The following TTC27 variants were observed in gnomAD, a reference collection of about 807,000 sequenced individuals.
TTC27 encodes the protein tetratricopeptide repeat domain 27.
A neutral mutation model predicts 115.9 loss-of-function variants in TTC27; 79 were observed. The observed-to-expected ratio is 0.68, with a 90% CI of 0.57 to 0.82. The LOEUF (loss-of-function observed/expected upper bound fraction) is 0.82, where lower values mean the gene tolerates loss of function less well. TTC27 is among the 40% of genes least tolerant of loss of function. The probability of loss-of-function intolerance (pLI) is 0.00; values close to 1 mark genes in which losing one functional copy is unlikely to be tolerated. For missense variants in TTC27, 1,054 were observed against 993.1 expected (o/e 1.06, Z -0.82); for synonymous variants, 401 against 356.0 (o/e 1.13, Z -1.42).
intron 1 of TTC27, among the ~76,000 whole-genome samples, chr2:32,630,214 T>A (rs1399554152): frequency 6.6e-6 from 1 of 152,202 alleles, no homozygotes; most frequent in Non-Finnish European, 1.5e-5. Flanking sequence ...AACTTTTGTA[T>A]TGTCAGTAGG....
chr2:32,630,341 A>T (rs1664132820), intron 1 of TTC27, among the ~76,000 whole-genome samples, 182 bp from the exon 2 acceptor site: 1 of 152,152 alleles, frequency 6.6e-6, no homozygotes. Flanking sequence ...TAATTCTAGG[A>T]GAGAGAATGT....
chr2:32,704,793 A>T (rs879891611), intron 10 of TTC27: 3 of 456,474 alleles, frequency 6.6e-6, no homozygotes, highest in Admixed American at 4.9e-5. Context: ...TTTCCTCATG[A>T]TTTGATTCAG....
At chr2:32,687,601 A>G (rs886110191) in intron 9 of TTC27, among the ~76,000 whole-genome samples, 1 of 152,230 alleles carries the variant, frequency 6.6e-6, no homozygotes, top group African/African-American at 2.4e-5. Flanking sequence ...TTGATAATAA[A>G]TGAATGGAAA....
chr2:32,720,369 T>A (rs1315509399), intron 10 of TTC27, among the ~76,000 whole-genome samples: 3 of 152,180 alleles, frequency 2.0e-5, no homozygotes. Flanking sequence ...GAATTTTGAA[T>A]TACTTACTTA....
At chr2:32,712,291 T>C (rs1667606653) in intron 10 of TTC27, among the ~76,000 whole-genome samples, 1 of 152,246 alleles carries the variant, frequency 6.6e-6, no homozygotes, top group South Asian at 2.1e-4. Context: ...GGACAATCTA[T>C]TAAAAACACC....
intron 16 of TTC27, among the ~76,000 whole-genome samples, chr2:32,797,047 G>A (rs1394209220): frequency 2.0e-5 from 3 of 151,572 alleles, no homozygotes; most frequent in African/African-American, 4.8e-5. Flanking sequence ...GGTGGTGCAC[G>A]CCTGTAGTCC....
intron 5 of TTC27, among the ~76,000 whole-genome samples, chr2:32,656,880 A>G (rs975282858): frequency 2.3e-4 from 35 of 152,310 alleles, no homozygotes; most frequent in African/African-American, 7.5e-4. Flanking sequence ...GAATCATTCA[A>G]TAATGATTGT....
At position 32,628,396 on chromosome 2, in the gene TTC27, A is replaced by G. The variant is rs749953003; in HGVS notation, c.88+16A>G. 1.3e-6 allele frequency: 2 copies of G among 1,570,514 alleles called. No individual in the cohort carries two copies. Among genetic ancestry groups the G allele is most frequent in the Non-Finnish European group, 1.7e-6 (2 of 1,161,300 alleles). On this transcript the variant is annotated intron_variant, in intron 1 of 19. Coordinates refer to ENST00000317907, the MANE Select transcript of TTC27 (RefSeq NM_017735.5). ...GTCGGTTCAGGTGAGAGGCGCACCTACCGGGCCTTAGGCTATCGTGGGAAC... is the reference window on the plus strand; with the variant it reads ...GTCGGTTCAGGTGAGAGGCGCACCTGCCGGGCCTTAGGCTATCGTGGGAAC...
intron 10 of TTC27, among the ~76,000 whole-genome samples, chr2:32,732,361 G>A (rs1392076707): frequency 6.6e-6 from 1 of 152,172 alleles, no homozygotes; most frequent in East Asian, 1.9e-4. Context: ...ATAACATCTT[G>A]GATTGTCAAC....
At chr2:32,721,119 A>G (rs186143773) in intron 10 of TTC27, among the ~76,000 whole-genome samples, 1 of 152,128 alleles carries the variant, frequency 6.6e-6, no homozygotes, top group Non-Finnish European at 1.5e-5. Flanking sequence ...GAAAAATTAC[A>G]TTTGATTTTA....
intron 12 of TTC27, among the ~76,000 whole-genome samples, chr2:32,740,332 T>A (rs1193974191): frequency 2.0e-5 from 3 of 152,216 alleles, no homozygotes. Flanking sequence ...TTATGCTACA[T>A]TTGCAGATCA....
At chr2:32,672,235 AT>A in intron 7 of TTC27, 36 bp from the exon 8 acceptor site, 1 of 1,496,958 alleles carries the variant, frequency 6.7e-7, no homozygotes, top group Non-Finnish European at 9.3e-7. Context: ...ATAAAATTTA[AT>A]TTTTGGTCTA....
Position 32,686,296 on chromosome 2 carries a change from G to A in TTC27, c.1119+7374G>A, listed in dbSNP as rs181415076. 5.5e-4 allele frequency among the ~76,000 whole-genome samples: 83 copies of A among 151,862 alleles called. 3 individuals are homozygous for A. The East Asian group carries it at 0.015, about 28-fold the overall frequency. On this transcript the variant is annotated intron_variant, in intron 9 of 19. Transcript: ENST00000317907. Reference sequence around the variant, plus strand: ...ATCCGTAGCAATCAGAATCCCCATAGGCATTTTTTTTTTATTTGCAGAAAT... The same window carrying A: ...ATCCGTAGCAATCAGAATCCCCATAAGCATTTTTTTTTTATTTGCAGAAAT...
chr2:32,677,089 G>C (rs1394926371), intron 8 of TTC27, among the ~76,000 whole-genome samples: 3 of 152,038 alleles, frequency 2.0e-5, no homozygotes, highest in African/African-American at 7.2e-5. Flanking sequence ...ATGCTTGTAA[G>C]TCAGTTGCTT....
At chr2:32,802,027 C>G (rs1670961648) in intron 16 of TTC27, among the ~76,000 whole-genome samples, 1 of 151,988 alleles carries the variant, frequency 6.6e-6, no homozygotes, top group Non-Finnish European at 1.5e-5. Flanking sequence ...CTGACATACC[C>G]TGAAAGAATT....
rs192382226 is a variant in TTC27 at position 32,656,113 on chromosome 2, G to T, written c.640+5880G>T. 1.2e-4 allele frequency among the ~76,000 whole-genome samples: 19 copies of T among 152,032 alleles called. 1 individual carries two copies. In the East Asian group the frequency reaches 3.7e-3, roughly 29 times the overall value. On this transcript the variant is annotated intron_variant, in intron 5 of 19. Coordinates refer to ENST00000317907, the MANE Select transcript of TTC27 (RefSeq NM_017735.5). The stretch of plus-strand genomic sequence containing the variant: ...CATAATGTCTTTTTTTTTTAATGAG[G>T]AAATTTTTAATTAGTCCCAGTTTTA...
At chr2:32,731,117 C>G (rs1372588430) in intron 10 of TTC27, among the ~76,000 whole-genome samples, 1 of 151,722 alleles carries the variant, frequency 6.6e-6, no homozygotes, top group Non-Finnish European at 1.5e-5. Context: ...TTTTTTGAGA[C>G]AGAGTCTCAC....
At chr2:32,778,195 T>G (rs1257999180) in intron 14 of TTC27, among the ~76,000 whole-genome samples, 2 of 152,238 alleles carry the variant, frequency 1.3e-5, no homozygotes, top group Non-Finnish European at 2.9e-5. Context: ...ACAATTTTCT[T>G]GTTAAAAATA....
chr2:32,646,979 G>GTT (rs796575143), intron 4 of TTC27, among the ~76,000 whole-genome samples: 6 of 137,072 alleles, frequency 4.4e-5, no homozygotes, highest in Non-Finnish European at 8.0e-5. Flanking sequence ...TTTGTTTTTT[G>GTT]TTTTTTTTTT....
Sources: allele counts gnomAD v4.1 joint callset (sites outside exome capture counted in the v4.1 genomes callset), GRCh38; gene constraint gnomAD v4.1.1; transcripts MANE v1.5; gene names NCBI Gene and HGNC (gene_info 2026-07-23, HGNC 2026-07-21).